Variants in NEB observed in about 807,000 individuals in gnomAD.
NEB encodes the protein nebulin.
NEB carries 512 observed loss-of-function variants against 952.2 expected under a neutral mutation model. The observed-to-expected ratio is 0.54, with a 90% CI of 0.50 to 0.58. NEB has a LOEUF of 0.58. Among genes scored for constraint, NEB ranks in the 20% least tolerant of loss-of-function variants. The pLI, the probability that NEB is intolerant of heterozygous loss-of-function variation, is 0.00. For missense variants in NEB, 8,428 were observed against 9,231.1 expected (o/e 0.91, Z 3.56); for synonymous variants, 2,900 against 3,149.8 (o/e 0.92, Z 2.66).
At chr2:151,621,059 AAT>A in intron 71 of NEB, 33 bp from the exon 72 acceptor site, 1 of 1,516,166 alleles carries the variant, frequency 6.6e-7, no homozygotes, top group Non-Finnish European at 9.0e-7. Context: ...TTAAATATAG[AAT>A]TCACATTCAC....
At chr2:151,628,801 G>A (rs965217169) in intron 68 of NEB, among the ~76,000 whole-genome samples, 1 of 152,122 alleles carries the variant, frequency 6.6e-6, no homozygotes, top group East Asian at 1.9e-4. Flanking sequence ...GGCGGAGGTT[G>A]CAGAGAGCCA....
At chr2:151,578,731 G>A (rs2096987131) in intron 105 of NEB, among the ~76,000 whole-genome samples, 1 of 148,476 alleles carries the variant, frequency 6.7e-6, no homozygotes, top group Non-Finnish European at 1.5e-5. Flanking sequence ...AGGAGGGAAG[G>A]AAGGAAGGAA....
chr2:151,695,536 G>A, intron 18 of NEB, 42 bp downstream of exon 18: 1 of 1,412,310 alleles, frequency 7.1e-7, no homozygotes, highest in Non-Finnish European at 1.0e-6. Flanking sequence ...TAAAAGCACA[G>A]GTTGTCAGTA....
At chr2:151,499,254 A>C in intron 169 of NEB, 44 bp downstream of exon 169, 1 of 1,063,598 alleles carries the variant, frequency 9.4e-7, no homozygotes, top group Non-Finnish European at 1.4e-6. Context: ...AATCTTTTTA[A>C]ACATTTTTTT....
chr2:151,638,013 C>T (rs998672561), intron 63 of NEB, among the ~76,000 whole-genome samples: 9 of 152,184 alleles, frequency 5.9e-5, no homozygotes, highest in African/African-American at 1.2e-4. Flanking sequence ...ATAACTAACA[C>T]ATCAGCTGAC....
Position 151,640,409 on chromosome 2 carries a change from C to T in NEB, c.8631G>A (p.Leu2877=), listed in dbSNP as rs1190853165. ...CATGGATGACGTCGCTCTGGTCGGGCAGGCATGTCCACTGGTGCAGGTAGT... is the reference window on the plus strand; with the variant it reads ...CATGGATGACGTCGCTCTGGTCGGGTAGGCATGTCCACTGGTGCAGGTAGT... The part of the protein sequence containing the change: ...YKNYLHQWTC[L]PDQSDVIHAR... The change falls in exon 61 of 182, where the codon CTG becomes CTA. Residue 2877 remains leucine, a synonymous_variant. Coordinates refer to ENST00000397345, the MANE Select transcript of NEB (RefSeq NM_001164508.2). The T allele has an allele frequency of 6.2e-7, 1 of 1,613,946 alleles. No individual in the cohort carries two copies. The highest frequency in any genetic ancestry group is 1.7e-5 in the Admixed American group (1 of 60,018).
intron 71 of NEB, among the ~76,000 whole-genome samples, chr2:151,621,652 C>T (rs1356508527): frequency 1.3e-5 from 2 of 152,190 alleles, no homozygotes; most frequent in Admixed American, 1.3e-4. Context: ...ATTTCTGTGG[C>T]AGGACAGACA....
rs1194725068 is a variant in NEB at position 151,500,615 on chromosome 2, A to G, written c.24021+776T>C. On this transcript the variant is annotated intron_variant, in intron 168 of 181. Coordinates refer to ENST00000397345, the MANE Select transcript of NEB (RefSeq NM_001164508.2). ...TTCCTTTTTTTTTTTTTTTTTTTTG[A>G]AACAGGGTCTCACTCCTGTTGCCTA... is the stretch of plus-strand genomic sequence containing the variant. Among the ~76,000 whole-genome samples the G allele has an allele frequency of 7.3e-5, 5 of 68,294 alleles. No homozygotes were observed. In the East Asian group the frequency reaches 2.5e-3, roughly 34 times the overall value. 44.8% of individuals were successfully genotyped at this position (68,294 alleles called of 152,430 possible). A position where few individuals can be genotyped will look rare whatever the true frequency, so the allele number is the denominator to read the frequency against.
At chr2:151,560,541 CA>C in intron 124 of NEB, 50 bp downstream of exon 124, 1 of 1,155,132 alleles carries the variant, frequency 8.7e-7, no homozygotes, top group Non-Finnish European at 1.2e-6. Context: ...GAGTGGAGAG[CA>C]GGGGAGGGGA....
intron 78 of NEB, 135 bp downstream of exon 78, chr2:151,612,051 G>C: frequency 1.2e-6 from 1 of 862,460 alleles, no homozygotes; most frequent in East Asian, 2.6e-5. Context: ...TCAAGCAGAT[G>C]CTCTGTTAAA....
intron 34 of NEB, among the ~76,000 whole-genome samples, chr2:151,676,950 G>A (rs2099365106): frequency 2.0e-5 from 3 of 152,134 alleles, no homozygotes; most frequent in South Asian, 2.1e-4. Flanking sequence ...ATAAATAAAC[G>A]AGTGAATGCT....
chr2:151,626,903 C>A, intron 70 of NEB, 99 bp downstream of exon 70: 1 of 1,396,088 alleles, frequency 7.2e-7, no homozygotes, highest in Non-Finnish European at 9.9e-7. Context: ...CATTGGATAG[C>A]AATTTAATTG....
rs780853972 is a variant in NEB at position 151,697,644 on chromosome 2, A to C, written c.1157T>G (p.Leu386Arg). Residue 386 changes from leucine (L) to arginine (R), a missense_variant, in exon 14 of 182, where the codon CTA (leucine) becomes CGA (arginine). Physicochemically the swap from Leu to Arg is moderately radical, Grantham distance 102. Transcript: ENST00000397345. ...KAAGDALSDK[L>R]YKENYEKTKA... ...TGTCTTTTCATAGTTTTCCTTGTAT[A>C]GTTTCTGTCAAAGAAAAAAAATTCA... 31 of 1,597,108 alleles carry C rather than the reference A, an allele frequency of 1.9e-5. No individual in the cohort carries two copies.
At chr2:151,526,851 T>G in intron 148 of NEB, 67 bp downstream of exon 148, 1 of 1,137,988 alleles carries the variant, frequency 8.8e-7, no homozygotes, top group Non-Finnish European at 1.3e-6. Context: ...CTGGTGTCCC[T>G]GGGGACTGTA....
At position 151,611,353 on chromosome 2, in the gene NEB, T is replaced by G. The variant is rs145102225; in HGVS notation, c.11806-487A>C. 3.7e-3 allele frequency among the ~76,000 whole-genome samples: 570 copies of G among 152,334 alleles called. 2 individuals are homozygous for G. The highest frequency in any genetic ancestry group is 0.012 in the African/African-American group (512 of 41,584). ...TTTTGAAGATGATCCATAACATATA[T>G]AAAATGCCCAAGTCATAGCAGATAC... On this transcript the variant is annotated intron_variant, in intron 78 of 181. Coordinates refer to ENST00000397345, the MANE Select transcript of NEB (RefSeq NM_001164508.2).
At position 151,612,857 on chromosome 2, in the gene NEB, G is replaced by A. The variant is rs117126164; in HGVS notation, c.11602-468C>T. ...AATGTGTTTTTTTGGGGATAAAAAC[G>A]ACGTCTTTTTCGTATGCTTCTATGT... On this transcript the variant is annotated intron_variant, in intron 77 of 181. Transcript: ENST00000397345. 4.4e-4 allele frequency among the ~76,000 whole-genome samples: 67 copies of A among 152,258 alleles called. 1 individual carries two copies. In the East Asian group the frequency reaches 0.011, roughly 24 times the overall value.
intron 63 of NEB, 68 bp downstream of exon 63, chr2:151,639,212 C>G: frequency 8.3e-7 from 1 of 1,205,280 alleles, no homozygotes. Context: ...CATTTGGTAT[C>G]ATGTCATCAT....
intron 138 of NEB, among the ~76,000 whole-genome samples, chr2:151,539,535 T>C (rs1258872357): frequency 6.6e-6 from 1 of 152,194 alleles, no homozygotes; most frequent in African/African-American, 2.4e-5. Context: ...TGAAGTTGGC[T>C]TGATTTTTGG....
At chr2:151,664,213 TC>T (rs1458492520) in intron 44 of NEB, among the ~76,000 whole-genome samples, 1 of 152,234 alleles carries the variant, frequency 6.6e-6, no homozygotes, top group Non-Finnish European at 1.5e-5. Context: ...GCCATGGGCC[TC>T]CTGGTAAAAC....
Sources: gnomAD v4.1 joint callset for allele counts (sites outside exome capture counted in the v4.1 genomes callset) on GRCh38, gnomAD v4.1.1 for gene constraint, MANE v1.5 for transcripts, NCBI Gene and HGNC (gene_info 2026-07-23, HGNC 2026-07-21) for gene names.